Variants in ARHGEF7 observed in about 807,000 individuals in gnomAD.
ARHGEF7 encodes PAK-interacting exchange factor beta.
Under a neutral mutation model 109.8 loss-of-function variants are expected in ARHGEF7, and 33 were observed. The observed-to-expected ratio is 0.30, with a 90% CI of 0.23 to 0.40. The LOEUF (loss-of-function observed/expected upper bound fraction) is 0.40, where lower values mean the gene tolerates loss of function less well. ARHGEF7 is among the 10% of genes least tolerant of loss of function. ARHGEF7 has a pLI of 1.00. For synonymous variants in ARHGEF7, 458 were observed against 424.6 expected (o/e 1.08, Z -0.97); for missense variants, 938 against 1,098.5 (o/e 0.85, Z 2.07).
In ARHGEF7 at chr13:111,241,352, G is replaced by A. The variant is rs376713282; in HGVS notation, c.760-2520G>A. 129 of 1,535,936 alleles carry A rather than the reference G, an allele frequency of 8.4e-5. No homozygotes were observed. In the African/African-American group the frequency reaches 1.3e-3, roughly 15 times the overall value. ...AAGAAAGGTGGTAAGTGGCACCCCC[G>A]GCTGCGCCCCGAGGTCAGGAAGGCC... On this transcript the variant is annotated intron_variant, in intron 6 of 21. Coordinates refer to ENST00000646102, the MANE Select transcript of ARHGEF7 (RefSeq NM_001354046.2).
intron 8 of ARHGEF7, among the ~76,000 whole-genome samples, chr13:111,246,727 ATTTGCTGATAATTCAAAGTC>A (rs2088915931): frequency 6.6e-6 from 1 of 152,238 alleles, no homozygotes; most frequent in Non-Finnish European, 1.5e-5. Context: ...AATGAAGGTC[ATTTGCTGATAATTCAAAGTC>A]TTTGTAAGAG....
At chr13:111,151,289 A>C (rs2075874667) in intron 1 of ARHGEF7, among the ~76,000 whole-genome samples, 1 of 152,222 alleles carries the variant, frequency 6.6e-6, no homozygotes, top group African/African-American at 2.4e-5. Flanking sequence ...ATTCTTCCGC[A>C]GCCTCCTTAT....
At chr13:111,282,942 G>A in intron 15 of ARHGEF7, 197 bp from the exon 16 acceptor site, 7 of 784,782 alleles carry the variant, frequency 8.9e-6, no homozygotes, top group South Asian at 7.4e-5. Flanking sequence ...CCCCACGCTC[G>A]GCCCAGGTGG....
At chr13:111,293,692 G>GA (rs1177717753) in intron 19 of ARHGEF7, 9 of 985,286 alleles carry the variant, frequency 9.1e-6, no homozygotes, top group Non-Finnish European at 1.1e-5. Context: ...CAGAAAACAA[G>GA]ATGCCATAGT....
intron 2 of ARHGEF7, among the ~76,000 whole-genome samples, chr13:111,194,355 G>T (rs2080252927): frequency 6.6e-6 from 1 of 152,122 alleles, no homozygotes; most frequent in Admixed American, 6.5e-5. Context: ...TGCCCTCTGG[G>T]TCTCCTTGAT....
At chr13:111,265,609 T>G (rs1214573250) in intron 8 of ARHGEF7, 1 of 456,630 alleles carries the variant, frequency 2.2e-6, no homozygotes, top group Non-Finnish European at 4.4e-6. Context: ...AAGGCATGCC[T>G]GCCAGCAGAC....
rs2085544436 is a variant in ARHGEF7 at position 111,228,590 on chromosome 13, C to T, written c.671-4615C>T. On this transcript the variant is annotated intron_variant, in intron 5 of 21. Transcript: ENST00000646102. This position sits in a 1 kb window ranked among gnomAD's most constrained non-coding sequence, Gnocchi z 4.6. ...CTAAAAGTTTGGGAAAAAGTAATGGCACAATTATAACATTTTCGAACAAAG... is the reference window on the plus strand; with the variant it reads ...CTAAAAGTTTGGGAAAAAGTAATGGTACAATTATAACATTTTCGAACAAAG... Among the ~76,000 whole-genome samples, 1 of 152,148 alleles carries T rather than the reference C, an allele frequency of 6.6e-6. No homozygotes were observed. The highest frequency in any genetic ancestry group is 6.5e-5 in the Admixed American group (1 of 15,276).
At chr13:111,158,505 T>A (rs1594094408) in intron 2 of ARHGEF7, among the ~76,000 whole-genome samples, 1 of 152,256 alleles carries the variant, frequency 6.6e-6, no homozygotes, top group South Asian at 2.1e-4. Context: ...TAAAATTATC[T>A]GCAGGTTTCA....
chr13:111,248,134 C>T (rs1169815452), intron 8 of ARHGEF7, among the ~76,000 whole-genome samples: 3 of 152,064 alleles, frequency 2.0e-5, no homozygotes, highest in South Asian at 2.1e-4. Context: ...TTGCTGCCTT[C>T]GTTCCTGAAG....
At chr13:111,232,039 A>G (rs1267504170) in intron 5 of ARHGEF7, among the ~76,000 whole-genome samples, 2 of 152,168 alleles carry the variant, frequency 1.3e-5, no homozygotes, top group African/African-American at 2.4e-5. Context: ...ATACAGAACC[A>G]ATGTTAGATG....
intron 19 of ARHGEF7, among the ~76,000 whole-genome samples, chr13:111,296,259 G>C (rs2093425688): frequency 1.3e-5 from 2 of 152,096 alleles, no homozygotes; most frequent in Non-Finnish European, 2.9e-5. Context: ...GGGTGGGGGA[G>C]GGGCAGGGTT....
chr13:111,221,387 AGATG>A (rs1218023210), intron 5 of ARHGEF7, among the ~76,000 whole-genome samples: 41 of 30,774 alleles, frequency 1.3e-3, no homozygotes, highest in Non-Finnish European at 2.6e-3. Flanking sequence ...CTATATATAT[AGATG>A]TCTATATATC....
intron 2 of ARHGEF7, among the ~76,000 whole-genome samples, chr13:111,196,602 T>A (rs1025535042): frequency 6.6e-6 from 1 of 152,140 alleles, no homozygotes; most frequent in African/African-American, 2.4e-5. Context: ...CCCTACAGCT[T>A]GAAGGGGACA....
intron 6 of ARHGEF7, among the ~76,000 whole-genome samples, chr13:111,238,735 G>A (rs745684873): frequency 1.3e-5 from 2 of 152,102 alleles, no homozygotes; most frequent in South Asian, 2.1e-4. Flanking sequence ...GTTGCCTCTC[G>A]GGGGGATGAG....
intron 5 of ARHGEF7, among the ~76,000 whole-genome samples, chr13:111,220,824 C>T (rs374147316): frequency 1.3e-5 from 2 of 151,786 alleles, no homozygotes; most frequent in East Asian, 1.9e-4. Context: ...TGTGCGTGCC[C>T]GGTTTCAACG....
At chr13:111,283,549 T>C (rs1455363578) in intron 16 of ARHGEF7, 186 bp downstream of exon 16, 1 of 671,260 alleles carries the variant, frequency 1.5e-6, no homozygotes, top group Non-Finnish European at 1.8e-6. Context: ...TGGTAACCTG[T>C]GTGGGAAGGC....
intron 2 of ARHGEF7, among the ~76,000 whole-genome samples, chr13:111,198,315 A>G (rs1317003270): frequency 6.6e-6 from 1 of 152,134 alleles, no homozygotes; most frequent in Non-Finnish European, 1.5e-5. Flanking sequence ...CGATAGTCCC[A>G]TCTGGGTCGC....
Position 111,283,297 on chromosome 13 carries a change from C to T in ARHGEF7, c.1884C>T (p.Pro628=). Residue 628 remains proline, a synonymous_variant, in exon 16 of 22, where the codon CCC becomes CCT. Coordinates refer to ENST00000646102, the MANE Select transcript of ARHGEF7 (RefSeq NM_001354046.2). ...GPLEPPKTPK[P]WSLSCLRPAP... ...TGGAGCCTCCGAAAACACCCAAGCC[C>T]TGGAGCCTGAGCTGCCTGCGGCCCG... 6.3e-7 allele frequency: 1 copy of T among 1,575,916 alleles called. No individual in the cohort carries two copies. Among genetic ancestry groups the T allele is most frequent in the Non-Finnish European group, 8.6e-7 (1 of 1,164,520 alleles).
At chr13:111,191,832 T>C (rs2153447516) in intron 2 of ARHGEF7, among the ~76,000 whole-genome samples, 1 of 152,238 alleles carries the variant, frequency 6.6e-6, no homozygotes, top group African/African-American at 2.4e-5. Flanking sequence ...TAGGAGTAAA[T>C]TGCTGTCAGA....
Sources: allele counts gnomAD v4.1 joint callset (sites outside exome capture counted in the v4.1 genomes callset), GRCh38; gene constraint gnomAD v4.1.1; non-coding constraint Gnocchi (gnomAD v3.1); transcripts MANE v1.5; gene names NCBI Gene and HGNC (gene_info 2026-07-23, HGNC 2026-07-21).